Variants in DLG2 observed in about 807,000 individuals in gnomAD.
DLG2 encodes the protein discs large MAGUK scaffold protein 2.
Under a neutral mutation model 132.5 loss-of-function variants are expected in DLG2, and 45 were observed. That is an observed-to-expected ratio of 0.34 (90% CI 0.27 to 0.44). DLG2 has a LOEUF of 0.44. Ranked by LOEUF, DLG2 falls within the 20% of genes least tolerant of loss-of-function variation. The pLI is 1.00. For synonymous variants in DLG2, 424 were observed against 419.6 expected, an observed-to-expected ratio of 1.01 and a Z score of -0.13; for missense variants, 1,045 against 1,196.9, an observed-to-expected ratio of 0.87 and a Z score of 1.87.
chr11:84,808,964 A>G (rs1416634226), intron 6 of DLG2, among the ~76,000 whole-genome samples: 1 of 152,010 alleles, frequency 6.6e-6, no homozygotes, highest in East Asian at 1.9e-4. Flanking sequence ...TTCTAATATT[A>G]TTAAAATACT....
chr11:85,173,544 T>C (rs1413657236), intron 4 of DLG2, among the ~76,000 whole-genome samples: 2 of 152,130 alleles, frequency 1.3e-5, no homozygotes, highest in African/African-American at 4.8e-5. Context: ...CACAGACCAG[T>C]GCCACTATGA....
In DLG2 at chr11:83,677,262, T is replaced by C. The variant is rs536253228; in HGVS notation, c.1826-43937A>G. On this transcript the variant is annotated intron_variant, in intron 18 of 27. Transcript: ENST00000376104. Reference sequence around the variant, plus strand: ...CTTTGTCTTGCTTTTGTTTGTTTGTTACCTCTTTGCACCATCCCTACTACC... The same window carrying C: ...CTTTGTCTTGCTTTTGTTTGTTTGTCACCTCTTTGCACCATCCCTACTACC... 3.3e-5 allele frequency among the ~76,000 whole-genome samples: 5 copies of C among 152,280 alleles called. No homozygotes were observed. The East Asian group carries it at 9.6e-4, about 29-fold the overall frequency.
At chr11:83,625,160 GC>G (rs2062294734) in intron 19 of DLG2, among the ~76,000 whole-genome samples, 1 of 152,216 alleles carries the variant, frequency 6.6e-6, no homozygotes, top group Admixed American at 6.5e-5. Context: ...GCAGGGGGGT[GC>G]ACACAGCTAA....
chr11:85,555,286 C>G (rs115919453), intron 3 of DLG2, among the ~76,000 whole-genome samples: 3,695 of 151,978 alleles, frequency 0.024, 172 homozygotes, highest in African/African-American at 0.085. Context: ...ATCATGCACA[C>G]ATGGTTTCAC....
intron 7 of DLG2, among the ~76,000 whole-genome samples, chr11:84,347,606 G>C (rs1600328594): frequency 6.6e-6 from 1 of 152,120 alleles, no homozygotes; most frequent in Non-Finnish European, 1.5e-5. Flanking sequence ...GAAAAATCTG[G>C]AAAAGCTTCT....
At chr11:85,485,671 T>C (rs1053681902) in intron 3 of DLG2, among the ~76,000 whole-genome samples, 1 of 152,166 alleles carries the variant, frequency 6.6e-6, no homozygotes, top group African/African-American at 2.4e-5. Flanking sequence ...CCCAGGGTTC[T>C]ACACTCTCAC....
intron 7 of DLG2, among the ~76,000 whole-genome samples, chr11:84,506,726 C>T (rs1265761162): frequency 2.0e-5 from 3 of 151,958 alleles, no homozygotes; most frequent in Non-Finnish European, 4.4e-5. Context: ...AATACAAAAC[C>T]AATAAAGGAG....
intron 19 of DLG2, among the ~76,000 whole-genome samples, chr11:83,576,998 A>G (rs2144400875): frequency 6.6e-6 from 1 of 152,288 alleles, no homozygotes; most frequent in South Asian, 2.1e-4. Context: ...ATGTCTTTGA[A>G]GGTGCTGCCA....
intron 14 of DLG2, among the ~76,000 whole-genome samples, chr11:83,955,727 C>T (rs1434214818): frequency 1.3e-5 from 2 of 152,164 alleles, no homozygotes; most frequent in South Asian, 2.1e-4. Flanking sequence ...TAATCAGCTG[C>T]CAGTGCAGCT....
chr11:84,101,853 C>G (rs779084480), intron 9 of DLG2, among the ~76,000 whole-genome samples: 3 of 152,078 alleles, frequency 2.0e-5, no homozygotes, highest in Non-Finnish European at 4.4e-5. Context: ...TCTCCTGATA[C>G]TGTCAACATG....
At chr11:83,858,594 A>G (rs1051171892) in intron 16 of DLG2, among the ~76,000 whole-genome samples, 1 of 152,178 alleles carries the variant, frequency 6.6e-6, no homozygotes, top group Non-Finnish European at 1.5e-5. Flanking sequence ...GGACATTATA[A>G]TATCCTTTTT....
At position 85,590,659 on chromosome 11, in the gene DLG2, A is replaced by C. The variant is rs550135682; in HGVS notation, c.40+7998T>G. On this transcript the variant is annotated intron_variant, in intron 3 of 27. Transcript: ENST00000376104. ...TCTCTCTCTCTCTCTCTCTATATAT[A>C]TATATATAAATTCCCTGAAAGTAGT... is the stretch of plus-strand genomic sequence containing the variant. Among the ~76,000 whole-genome samples the C allele has an allele frequency of 1.3e-3, 193 of 151,420 alleles. 1 individual carries two copies. The highest frequency in any genetic ancestry group is 3.6e-3 in the Admixed American group (54 of 15,202).
chr11:83,549,020 T>A (rs2096311594), intron 19 of DLG2, among the ~76,000 whole-genome samples: 1 of 152,126 alleles, frequency 6.6e-6, no homozygotes, highest in African/African-American at 2.4e-5. Context: ...GCTGTGAACT[T>A]GTTTGGTCTA....
chr11:83,568,038 C>T (rs2096737954), intron 19 of DLG2, among the ~76,000 whole-genome samples: 1 of 152,096 alleles, frequency 6.6e-6, no homozygotes, highest in Admixed American at 6.6e-5. Flanking sequence ...TGTAAGGACA[C>T]AGACAGGTAA....
rs548429203 is a variant in DLG2, at chr11:85,593,039, G to A, written c.40+5618C>T. Among the ~76,000 whole-genome samples, 5 of 150,708 alleles carry A rather than the reference G, an allele frequency of 3.3e-5. No individual in the cohort carries two copies. The East Asian group carries it at 9.8e-4, about 30-fold the overall frequency. On this transcript the variant is annotated intron_variant, in intron 3 of 27. Transcript: ENST00000376104. The stretch of plus-strand genomic sequence containing the variant: ...GAAAGGAGGGAGGGAGGGAAGGAAG[G>A]AAAATAAAAAGAAAATTAAAAATAA...
intron 3 of DLG2, among the ~76,000 whole-genome samples, chr11:85,528,226 T>A (rs2074934307): frequency 6.6e-6 from 1 of 152,230 alleles, no homozygotes; most frequent in Non-Finnish European, 1.5e-5. Flanking sequence ...TTGTCACAAT[T>A]GCTTTTGGTG....
intron 10 of DLG2, among the ~76,000 whole-genome samples, chr11:84,076,982 C>T (rs1011774917): frequency 2.0e-5 from 3 of 152,174 alleles, no homozygotes; most frequent in African/African-American, 4.8e-5. Flanking sequence ...CCCTCTGATA[C>T]CAAAAGTCCA....
chr11:84,376,672 G>C (rs2098730333), intron 7 of DLG2, among the ~76,000 whole-genome samples: 1 of 151,182 alleles, frequency 6.6e-6, no homozygotes, highest in African/African-American at 2.4e-5. Context: ...AAAACACCTT[G>C]AAGCTTCACA....
At chr11:84,960,939 C>T (rs2052467164) in intron 6 of DLG2, among the ~76,000 whole-genome samples, 1 of 152,056 alleles carries the variant, frequency 6.6e-6, no homozygotes, top group Non-Finnish European at 1.5e-5. Flanking sequence ...TAAATACAGT[C>T]CTCTAACAAG....
Sources: allele counts gnomAD v4.1 joint callset (sites outside exome capture counted in the v4.1 genomes callset), GRCh38; gene constraint gnomAD v4.1.1; transcripts MANE v1.5; gene names NCBI Gene and HGNC (gene_info 2026-07-23, HGNC 2026-07-21).